The following PCDH7 variants were observed in gnomAD, a reference collection of about 807,000 sequenced individuals.
The protein encoded by PCDH7 is protocadherin 7.
PCDH7 carries 17 observed loss-of-function variants against 58.9 expected under a neutral mutation model. The ratio of observed to expected loss-of-function variants is 0.29; its 90% confidence interval spans 0.20 to 0.43. The LOEUF is 0.43. PCDH7 is among the 20% of genes least tolerant of loss of function. PCDH7 has a pLI of 1.00. For synonymous variants in PCDH7, 664 were observed against 616.4 expected (o/e 1.08, Z -1.14); for missense variants, 1,274 against 1,441.0 (o/e 0.88, Z 1.88).
chr4:30,724,093 G>A (rs1263058919), exon 1 of PCDH7: 4 of 1,613,904 alleles, frequency 2.5e-6, no homozygotes, highest in Non-Finnish European at 2.5e-6. Context: ...CATTATGACG[G>A]TGATTCTAAT....
chr4:31,009,274 G>C (rs1344348165), intron 3 of PCDH7, among the ~76,000 whole-genome samples: 1 of 151,972 alleles, frequency 6.6e-6, no homozygotes, highest in Non-Finnish European at 1.5e-5. Context: ...GTTTCCACTT[G>C]CTTCCACTTT....
At chr4:30,894,017 G>C (rs1738958582) in intron 1 of PCDH7, among the ~76,000 whole-genome samples, 1 of 152,082 alleles carries the variant, frequency 6.6e-6, no homozygotes, top group Non-Finnish European at 1.5e-5. Context: ...AGATACTGGA[G>C]AACTGAATGT....
At chr4:31,124,235 G>T (rs909121754) in intron 3 of PCDH7, among the ~76,000 whole-genome samples, 2 of 152,176 alleles carry the variant, frequency 1.3e-5, no homozygotes, top group Non-Finnish European at 2.9e-5. Flanking sequence ...GATAACAGCA[G>T]AGAATATATT....
intron 3 of PCDH7, among the ~76,000 whole-genome samples, chr4:31,083,337 G>T (rs1017885086): frequency 5.3e-5 from 8 of 152,036 alleles, no homozygotes; most frequent in African/African-American, 1.4e-4. Context: ...TAGATATTGA[G>T]AAATCATTAC....
At chr4:30,764,804 T>A (rs2109272181) in intron 1 of PCDH7, among the ~76,000 whole-genome samples, 1 of 152,092 alleles carries the variant, frequency 6.6e-6, no homozygotes, top group South Asian at 2.1e-4. Context: ...CACTACAACC[T>A]CCCCCTCCCT....
chr4:30,909,517 G>A (rs1190943880), intron 1 of PCDH7, among the ~76,000 whole-genome samples: 3 of 152,256 alleles, frequency 2.0e-5, no homozygotes, highest in Non-Finnish European at 2.9e-5. Context: ...AAAATCACAA[G>A]CATTCCTATA....
intron 1 of PCDH7, among the ~76,000 whole-genome samples, chr4:30,851,509 G>A (rs1357829915): frequency 6.6e-6 from 1 of 151,838 alleles, no homozygotes; most frequent in Non-Finnish European, 1.5e-5. Context: ...AGCAGGAAAG[G>A]CAAATGGGCT....
chr4:30,833,098 T>C (rs762933663), intron 1 of PCDH7, among the ~76,000 whole-genome samples: 1 of 152,258 alleles, frequency 6.6e-6, no homozygotes, highest in African/African-American at 2.4e-5. Context: ...GAGGGCTTAT[T>C]TGGAATGTGT....
At chr4:30,841,301 C>T (rs991590032) in intron 1 of PCDH7, among the ~76,000 whole-genome samples, 5 of 151,832 alleles carry the variant, frequency 3.3e-5, no homozygotes, top group South Asian at 2.1e-4. Context: ...TATATTTTTC[C>T]GGAGGTTTTT....
At chr4:30,824,071 G>A (rs931986815) in intron 1 of PCDH7, among the ~76,000 whole-genome samples, 2 of 148,912 alleles carry the variant, frequency 1.3e-5, no homozygotes, top group East Asian at 2.0e-4. Flanking sequence ...TAATTAAAGC[G>A]GGGTTTCTTT....
chr4:30,822,365 C>G (rs555181642), intron 1 of PCDH7, among the ~76,000 whole-genome samples: 17 of 152,116 alleles, frequency 1.1e-4, no homozygotes, highest in Non-Finnish European at 2.2e-4. Context: ...GAATGCCACA[C>G]GCCACATCCA....
chr4:31,097,614 ATATATATATATATATATAT>A (rs1348667893), intron 3 of PCDH7, among the ~76,000 whole-genome samples: 11 of 35,634 alleles, frequency 3.1e-4, no homozygotes, highest in East Asian at 3.6e-3. Flanking sequence ...ATATATATAT[ATATATATATATATATATAT>A]ATATAAATCT....
At chr4:30,951,582 T>C (rs1747375428) in intron 3 of PCDH7, among the ~76,000 whole-genome samples, 1 of 152,198 alleles carries the variant, frequency 6.6e-6, no homozygotes, top group Admixed American at 6.5e-5. Flanking sequence ...ACTTTACTCA[T>C]GGCTGTTTGG....
chr4:31,057,178 G>A (rs1757327521), intron 3 of PCDH7, among the ~76,000 whole-genome samples: 1 of 152,000 alleles, frequency 6.6e-6, no homozygotes, highest in African/African-American at 2.4e-5. Flanking sequence ...ACTTTCATAA[G>A]TAGAAAAGCT....
chr4:30,996,470 A>T (rs1419230216), intron 3 of PCDH7, among the ~76,000 whole-genome samples: 1 of 152,180 alleles, frequency 6.6e-6, no homozygotes, highest in African/African-American at 2.4e-5. Flanking sequence ...GGGCTTTGAG[A>T]CAAAGCCAAA....
intron 3 of PCDH7, among the ~76,000 whole-genome samples, chr4:31,021,628 C>G (rs537183017): frequency 1.3e-3 from 198 of 152,154 alleles, no homozygotes; most frequent in Non-Finnish European, 2.0e-3. Context: ...TCCAGCCTCT[C>G]TCAAGACTTT....
chr4:30,978,042 G>A (rs1377873663), intron 3 of PCDH7, among the ~76,000 whole-genome samples: 1 of 151,984 alleles, frequency 6.6e-6, no homozygotes, highest in Non-Finnish European at 1.5e-5. Flanking sequence ...CATATTTCAT[G>A]AGTATCACTC....
chr4:31,111,190 T>C (rs982115593), intron 3 of PCDH7, among the ~76,000 whole-genome samples: 3 of 152,018 alleles, frequency 2.0e-5, no homozygotes, highest in Non-Finnish European at 4.4e-5. Flanking sequence ...ATCCTTGATG[T>C]ACCTTATATG....
intron 3 of PCDH7, among the ~76,000 whole-genome samples, chr4:30,976,399 C>CTTTTT (rs370648622): frequency 4.4e-5 from 5 of 113,536 alleles, no homozygotes; most frequent in African/African-American, 1.5e-4. Flanking sequence ...CCATAAAATA[C>CTTTTT]TTTTTTTTTT....
Sources: gnomAD v4.1 joint callset for allele counts (sites outside exome capture counted in the v4.1 genomes callset) on GRCh38, gnomAD v4.1.1 for gene constraint, MANE v1.5 for transcripts, NCBI Gene and HGNC (gene_info 2026-07-23, HGNC 2026-07-21) for gene names.